ST8SIA4: variants seen among roughly 807,000 people sequenced by gnomAD.
ST8SIA4 encodes CMP-N-acetylneuraminate-poly-alpha-2,8-sialyltransferase.
Under a neutral mutation model 33.9 loss-of-function variants are expected in ST8SIA4, and 15 were observed. The observed-to-expected ratio is 0.44, with a 90% CI of 0.30 to 0.68. ST8SIA4 has a LOEUF of 0.68. Among genes scored for constraint, ST8SIA4 ranks in the 30% least tolerant of loss-of-function variants. ST8SIA4 has a pLI of 0.10. For missense variants in ST8SIA4, 321 were observed against 428.0 expected (o/e 0.75, Z 2.21); for synonymous variants, 171 against 151.2 (o/e 1.13, Z -0.96).
At chr5:100,822,929 AGATCAT>A (rs922105564) in intron 4 of ST8SIA4, among the ~76,000 whole-genome samples, 1 of 152,146 alleles carries the variant, frequency 6.6e-6, no homozygotes, top group African/African-American at 2.4e-5. Flanking sequence ...CAGGAGATTG[AGATCAT>A]CCTGGCTAAC....
intron 4 of ST8SIA4, among the ~76,000 whole-genome samples, chr5:100,825,464 T>C (rs1751121130): frequency 2.0e-5 from 3 of 152,232 alleles, no homozygotes; most frequent in Admixed American, 1.3e-4. Flanking sequence ...TGTTATCAAA[T>C]TCTGTCTGTA....
chr5:100,856,138 G>A lies in ST8SIA4; in HGVS notation c.762C>T (p.Ala254=), dbSNP rs756846300. Residue 254 remains alanine, a synonymous_variant, in exon 4 of 5, where the codon GCC becomes GCT. Transcript: ENST00000231461. The stretch of plus-strand genomic sequence containing the variant: ...CATGAATAAGTCTCAATGACGGATA[G>A]GCAGTTCGCACTTTCAGTTTATTCT... The part of the protein sequence containing the change: ...ILKNKLKVRT[A]YPSLRLIHAV... 1.9e-6 allele frequency: 3 copies of A among 1,614,046 alleles called. No homozygotes were observed. The highest frequency in any genetic ancestry group is 1.1e-5 in the South Asian group (1 of 91,076).
chr5:100,901,364 G>A (rs1752909210), intron 1 of ST8SIA4, among the ~76,000 whole-genome samples: 1 of 152,146 alleles, frequency 6.6e-6, no homozygotes, highest in African/African-American at 2.4e-5. Context: ...GGCCCGGGAG[G>A]GAACAAAGAG....
intron 4 of ST8SIA4, among the ~76,000 whole-genome samples, chr5:100,840,646 T>C (rs1283257168): frequency 6.6e-6 from 1 of 151,802 alleles, no homozygotes; most frequent in Non-Finnish European, 1.5e-5. Context: ...CAAGTTACTG[T>C]AGAGGAAGAT....
At chr5:100,885,960 A>C in intron 3 of ST8SIA4, 2 of 817,236 alleles carry the variant, frequency 2.4e-6, no homozygotes, top group Non-Finnish European at 3.0e-6. Flanking sequence ...AATCTATTAC[A>C]TCATTCCATA....
At chr5:100,881,573 A>G (rs528904274) in intron 3 of ST8SIA4, among the ~76,000 whole-genome samples, 1 of 152,328 alleles carries the variant, frequency 6.6e-6, no homozygotes, top group South Asian at 2.1e-4. Flanking sequence ...ATCTAAAAGA[A>G]AGTAAAGCAC....
chr5:100,849,588 C>A (rs1751643719), intron 4 of ST8SIA4: 1 of 338,888 alleles, frequency 3.0e-6, no homozygotes, highest in Non-Finnish European at 4.2e-6. Flanking sequence ...CGAGAGCAGC[C>A]TGGCCAACAT....
intron 4 of ST8SIA4, among the ~76,000 whole-genome samples, chr5:100,841,331 A>T (rs1317423608): frequency 6.6e-6 from 1 of 151,858 alleles, no homozygotes; most frequent in Non-Finnish European, 1.5e-5. Context: ...TATTTCTTTA[A>T]AAAGAGGTCA....
At chr5:100,863,781 T>C in intron 3 of ST8SIA4, among the ~76,000 whole-genome samples, 1 of 152,184 alleles carries the variant, frequency 6.6e-6, no homozygotes, top group East Asian at 1.9e-4. Context: ...TAAAATACAA[T>C]TATCTTTTCT....
chr5:100,816,470 A>G (rs1235357154), intron 4 of ST8SIA4: 6 of 517,562 alleles, frequency 1.2e-5, no homozygotes, highest in South Asian at 4.4e-5. Context: ...AAAGAAGTCT[A>G]AAAGTTTAGA....
chr5:100,841,461 A>G (rs1385743653), intron 4 of ST8SIA4, among the ~76,000 whole-genome samples: 1 of 151,888 alleles, frequency 6.6e-6, no homozygotes, highest in Non-Finnish European at 1.5e-5. Context: ...GACAAGAAAT[A>G]TCCTCTCCAT....
At chr5:100,818,766 C>T (rs1048551795) in intron 4 of ST8SIA4, among the ~76,000 whole-genome samples, 1 of 152,096 alleles carries the variant, frequency 6.6e-6, no homozygotes, top group African/African-American at 2.4e-5. Flanking sequence ...AAGCTTAATT[C>T]ATCAGAGGCA....
chr5:100,897,995 A>T (rs1752817209), intron 1 of ST8SIA4, among the ~76,000 whole-genome samples: 1 of 152,206 alleles, frequency 6.6e-6, no homozygotes, highest in African/African-American at 2.4e-5. Context: ...TGACTACATG[A>T]TTTCAGGTGC....
chr5:100,873,475 C>T (rs2112459271), intron 3 of ST8SIA4, among the ~76,000 whole-genome samples: 1 of 152,182 alleles, frequency 6.6e-6, no homozygotes, highest in South Asian at 2.1e-4. Flanking sequence ...GACTCACTAT[C>T]TCTAGTAGCT....
At chr5:100,887,879 C>T (rs542104377) in intron 2 of ST8SIA4, among the ~76,000 whole-genome samples, 2 of 152,166 alleles carry the variant, frequency 1.3e-5, no homozygotes, top group African/African-American at 2.4e-5. Context: ...ACATATCTGG[C>T]AGTGCCTGTA....
intron 1 of ST8SIA4, chr5:100,900,612 T>C: frequency 2.5e-6 from 1 of 401,752 alleles, no homozygotes; most frequent in Non-Finnish European, 5.1e-6. Context: ...TCTTGGTCTC[T>C]CAGGAGACCA....
chr5:100,849,681 CT>C (rs1036123988), intron 4 of ST8SIA4, among the ~76,000 whole-genome samples: 8 of 151,872 alleles, frequency 5.3e-5, no homozygotes, highest in African/African-American at 1.9e-4. Context: ...GTCGCAGCTA[CT>C]GGGGAGGCTG....
intron 3 of ST8SIA4, among the ~76,000 whole-genome samples, chr5:100,882,712 C>A (rs1268029998): frequency 4.6e-5 from 7 of 152,220 alleles, no homozygotes; most frequent in African/African-American, 1.7e-4. Context: ...TGGTGCACTG[C>A]ATCCCAGCTG....
At position 100,812,139 on chromosome 5, in the gene ST8SIA4, C is replaced by CA. The variant is rs750094519; in HGVS notation, c.798-11dup. On this transcript the variant is annotated splice_polypyrimidine_tract_variant and intron_variant, in intron 4 of 4. Transcript: ENST00000231461. ...GTTGGTCAGCCAGTAACTGGAAAAA[C>CA]AAAAAACAAAATCAAGAAGAGAAGA... 39 of 1,596,262 alleles carry CA rather than the reference C, an allele frequency of 2.4e-5. No individual in the cohort carries two copies. Among genetic ancestry groups the CA allele is most frequent in the African/African-American group, 1.1e-4 (8 of 73,410 alleles).
Sources: gnomAD v4.1 joint callset for allele counts (sites outside exome capture counted in the v4.1 genomes callset) on GRCh38, gnomAD v4.1.1 for gene constraint, MANE v1.5 for transcripts, NCBI Gene and HGNC (gene_info 2026-07-23, HGNC 2026-07-21) for gene names.